XYLB: variants seen among roughly 807,000 people sequenced by gnomAD.
The protein encoded by XYLB is xylulose kinase.
A neutral mutation model predicts 78.7 loss-of-function variants in XYLB; 62 were observed. The ratio of observed to expected loss-of-function variants is 0.79; its 90% CI spans 0.64 to 0.97. The LOEUF (loss-of-function observed/expected upper bound fraction) is 0.97, where lower values mean the gene tolerates loss of function less well. XYLB is among the 50% of genes least tolerant of loss of function. The probability of loss-of-function intolerance (pLI) is 0.00; values close to 1 mark genes in which losing one functional copy is unlikely to be tolerated. For synonymous variants in XYLB, 245 were observed against 247.4 expected, an observed-to-expected ratio of 0.99 and a Z score of 0.09; for missense variants, 687 against 676.8, an observed-to-expected ratio of 1.02 and a Z score of -0.17.
At chr3:38,358,571 C>T (rs566363324) in intron 2 of XYLB, among the ~76,000 whole-genome samples, 6 of 151,966 alleles carry the variant, frequency 3.9e-5, no homozygotes, top group Admixed American at 1.3e-4. Flanking sequence ...CTTGAACTCC[C>T]GACTTCAGGT....
the XYLB span, among the ~76,000 whole-genome samples, chr3:38,442,852 C>T: frequency 6.6e-5 from 10 of 150,780 alleles, no homozygotes; most frequent in African/African-American, 2.5e-4. Context: ...GGTCTTTTAG[C>T]CTGATTTGGA....
intron 7 of XYLB, among the ~76,000 whole-genome samples, chr3:38,367,706 C>T (rs1001540055): frequency 1.1e-4 from 17 of 152,220 alleles, no homozygotes; most frequent in African/African-American, 3.6e-4. Flanking sequence ...AATCCATCAT[C>T]TATTTCTCTG....
chr3:38,428,332 G>T, the XYLB span, among the ~76,000 whole-genome samples: 2 of 152,170 alleles, frequency 1.3e-5, no homozygotes, highest in Non-Finnish European at 2.9e-5. Flanking sequence ...CAATAAGGTC[G>T]AATTAGATTG....
Position 38,379,465 on chromosome 3 carries a change from G to A in XYLB, c.1291+123G>A, listed in dbSNP as rs963068773. The A allele has an allele frequency of 4.4e-6, 4 of 914,140 alleles. No homozygotes were observed. The South Asian group carries it at 6.0e-5, about 14-fold the overall frequency. The allele number at this position is 914,140 out of a possible 1,614,324, so 56.6% of individuals were successfully genotyped here. A position where few individuals can be genotyped will look rare whatever the true frequency, so the allele number is the denominator to read the frequency against. ...TCTTACAGGGGGACTTGTGCAGGAG[G>A]GAGGTGGAGCCTGACCTCAGGGATG... On this transcript the variant is annotated intron_variant, in intron 15 of 18. Coordinates refer to ENST00000207870, the MANE Select transcript of XYLB (RefSeq NM_005108.4).
At chr3:38,398,537 C>T (rs1490807826) in intron 17 of XYLB, among the ~76,000 whole-genome samples, 2 of 152,124 alleles carry the variant, frequency 1.3e-5, no homozygotes, top group African/African-American at 4.8e-5. Context: ...CTCACCCTGC[C>T]TCATGCCATA....
intron 9 of XYLB, among the ~76,000 whole-genome samples, chr3:38,371,374 C>T (rs1428406862): frequency 2.6e-5 from 4 of 151,994 alleles, no homozygotes; most frequent in East Asian, 1.9e-4. Context: ...CCTGGGTTCA[C>T]GCCATTCTCC....
rs200194843 is a variant in XYLB, at chr3:38,365,742, C to G, written c.507+6C>G. 3.1e-6 allele frequency: 5 copies of G among 1,610,342 alleles called. No individual in the cohort carries two copies. Among genetic ancestry groups the G allele is most frequent in the Non-Finnish European group, 4.2e-6 (5 of 1,178,092 alleles). Reference sequence around the variant, plus strand: ...CGGGGTCCCGTGCCTATGAGGTAGGCTGAGGATGCGGGGGGTGCAGGGGGT... The same window carrying G: ...CGGGGTCCCGTGCCTATGAGGTAGGGTGAGGATGCGGGGGGTGCAGGGGGT... On this transcript the variant is annotated splice_donor_region_variant and intron_variant, in intron 6 of 18. Transcript: ENST00000207870.
chr3:38,381,386 C>T (rs1707135952), intron 15 of XYLB, among the ~76,000 whole-genome samples: 1 of 152,152 alleles, frequency 6.6e-6, no homozygotes, highest in Non-Finnish European at 1.5e-5. Flanking sequence ...ATTGCATTAA[C>T]TGCACAAATT....
At position 38,346,877 on chromosome 3, in the gene XYLB, G is replaced by A; in HGVS notation, c.9G>A (p.Glu3=). MA[E]HAPRRCCLGW... is the part of the protein sequence containing the mutation. ...GCCTTACCCGAAAGGCCATGGCGGA[G>A]CACGCCCCTCGCCGCTGCTGCCTGG... is the stretch of plus-strand genomic sequence containing the variant. Residue 3 remains glutamate, a synonymous_variant, in exon 1 of 19, where the codon GAG becomes GAA. Coordinates refer to ENST00000207870, the MANE Select transcript of XYLB (RefSeq NM_005108.4). 1 of 1,520,958 alleles carries A rather than the reference G, an allele frequency of 6.6e-7. No homozygotes were observed. Among genetic ancestry groups the A allele is most frequent in the Non-Finnish European group, 8.8e-7 (1 of 1,137,412 alleles). The allele number at this position is 1,520,958 out of a possible 1,614,324, so 94.2% of individuals were successfully genotyped here.
the XYLB span, among the ~76,000 whole-genome samples, chr3:38,439,545 A>G: frequency 2.0e-5 from 3 of 152,160 alleles, no homozygotes; most frequent in Non-Finnish European, 4.4e-5. Context: ...GGCAGATCAC[A>G]AGGTCAGGAG....
chr3:38,393,652 T>TA (rs1348673902), intron 15 of XYLB, among the ~76,000 whole-genome samples: 1 of 152,204 alleles, frequency 6.6e-6, no homozygotes, highest in African/African-American at 2.4e-5. Flanking sequence ...TCGGCAGGGT[T>TA]AATTTCTTCT....
chr3:38,442,225 A>G, the XYLB span, among the ~76,000 whole-genome samples: 1 of 152,186 alleles, frequency 6.6e-6, no homozygotes, highest in African/African-American at 2.4e-5. Flanking sequence ...TGTTGTAGGC[A>G]GAGTTGGGCC....
the XYLB span, among the ~76,000 whole-genome samples, chr3:38,428,888 C>T: frequency 6.6e-6 from 1 of 152,222 alleles, no homozygotes; most frequent in African/African-American, 2.4e-5. Context: ...ATTTTATCTC[C>T]ACTCCATATA....
At chr3:38,388,156 G>C (rs1466767305) in intron 15 of XYLB, among the ~76,000 whole-genome samples, 3 of 119,392 alleles carry the variant, frequency 2.5e-5, no homozygotes, top group African/African-American at 8.4e-5. Context: ...GGGTGAGGTG[G>C]TGGTTTTTTT....
the XYLB span, among the ~76,000 whole-genome samples, chr3:38,429,777 A>G: frequency 4.6e-5 from 7 of 152,188 alleles, no homozygotes; most frequent in South Asian, 6.2e-4. Context: ...CCATTGTTCA[A>G]TTCCCACCTA....
At chr3:38,382,160 T>C (rs931981277) in intron 15 of XYLB, among the ~76,000 whole-genome samples, 2 of 152,094 alleles carry the variant, frequency 1.3e-5, no homozygotes, top group Non-Finnish European at 2.9e-5. Flanking sequence ...GGTTCCCCGA[T>C]AATGGTGAAA....
intron 16 of XYLB, among the ~76,000 whole-genome samples, chr3:38,396,507 G>A (rs992517465): frequency 3.3e-5 from 5 of 152,182 alleles, no homozygotes; most frequent in Admixed American, 1.3e-4. Flanking sequence ...ACAGCAGCTG[G>A]GGCAGGATGC....
chr3:38,369,544 C>T (rs545969157), intron 8 of XYLB, among the ~76,000 whole-genome samples: 6 of 152,328 alleles, frequency 3.9e-5, no homozygotes, highest in Non-Finnish European at 8.8e-5. Flanking sequence ...GAGTTCTCTC[C>T]ACCCATGCTC....
downstream of XYLB, among the ~76,000 whole-genome samples, chr3:38,415,656 G>T (rs767365589): frequency 6.6e-6 from 1 of 152,112 alleles, no homozygotes; most frequent in African/African-American, 2.4e-5. Flanking sequence ...GGTGGTGCAC[G>T]CCTGTAATCC....
Sources: allele counts gnomAD v4.1 joint callset (sites outside exome capture counted in the v4.1 genomes callset), GRCh38; gene constraint gnomAD v4.1.1; transcripts MANE v1.5; gene names NCBI Gene and HGNC (gene_info 2026-07-23, HGNC 2026-07-21).